Variants in MX1 observed in about 807,000 individuals in gnomAD.
The protein encoded by MX1 is MX dynamin like GTPase 1.
Under a neutral mutation model 66.4 loss-of-function variants are expected in MX1, and 66 were observed. The ratio of observed to expected loss-of-function variants is 0.99; its 90% confidence interval spans 0.82 to 1.22. MX1 has a LOEUF of 1.22. Among genes scored for constraint, MX1 ranks in the 50% most tolerant of loss-of-function variants. The pLI, the probability that MX1 is intolerant of heterozygous loss-of-function variation, is 0.00. For synonymous variants in MX1, 311 were observed against 318.1 expected (o/e 0.98, Z 0.24); for missense variants, 787 against 834.3 (o/e 0.94, Z 0.70).
Position 41,441,386 on chromosome 21 carries a change from G to A in MX1, c.731-330G>A. On this transcript the variant is annotated intron_variant, in intron 9 of 16. Coordinates refer to ENST00000398598, the MANE Select transcript of MX1 (RefSeq NM_002462.5). The surrounding 1 kb of genome is among the most constrained non-coding windows in gnomAD (Gnocchi z 4.0). ...CTCGGAAGCAGGTCAAACTCAGGAG[G>A]CACATGGTACTCATTAAGAATGCAT... The A allele has an allele frequency of 2.3e-6, 1 of 444,304 alleles. No individual in the cohort carries two copies. Among genetic ancestry groups the A allele is most frequent in the South Asian group, 2.6e-5 (1 of 37,912 alleles). The allele number at this position is 444,304 out of a possible 1,614,324, so 27.5% of individuals were successfully genotyped here.
At position 41,441,244 on chromosome 21, in the gene MX1, C is replaced by A. The variant is rs1346931466; in HGVS notation, c.730+219C>A. On this transcript the variant is annotated intron_variant, in intron 9 of 16. Coordinates refer to ENST00000398598, the MANE Select transcript of MX1 (RefSeq NM_002462.5). The surrounding 1 kb of genome is among the most constrained non-coding windows in gnomAD (Gnocchi z 4.0). ...CAGTGGGGACCTGCCTCCACTAAGACCTGCTAAGGGAGCAGGTTTGGTGCC... is the reference window on the plus strand; with the variant it reads ...CAGTGGGGACCTGCCTCCACTAAGAACTGCTAAGGGAGCAGGTTTGGTGCC... The A allele has an allele frequency of 1.6e-6, 1 of 618,950 alleles. No individual in the cohort carries two copies. Among genetic ancestry groups the A allele is most frequent in the South Asian group, 2.1e-5 (1 of 47,026 alleles). The allele number at this position is 618,950 out of a possible 1,614,324, so 38.3% of individuals were successfully genotyped here.
At position 41,441,940 on chromosome 21, in the gene MX1, G is replaced by C; in HGVS notation, c.929+26G>C. The C allele has an allele frequency of 1.9e-6, 3 of 1,613,438 alleles. No individual in the cohort carries two copies. Among genetic ancestry groups the C allele is most frequent in the African/African-American group, 1.3e-5 (1 of 74,948 alleles). Reference sequence around the variant, plus strand: ...GTGCGCTTGCCTGGGTTTCATCATGGATCAGTCCAAGCCCAGGATGTCAGG... The same window carrying C: ...GTGCGCTTGCCTGGGTTTCATCATGCATCAGTCCAAGCCCAGGATGTCAGG... On this transcript the variant is annotated intron_variant, in intron 10 of 16. Transcript: ENST00000398598. This position sits in a 1 kb window ranked among gnomAD's most constrained non-coding sequence, Gnocchi z 4.0.
Position 41,441,609 on chromosome 21 carries a change from A to G in MX1, c.731-107A>G. The G allele has an allele frequency of 8.4e-7, 1 of 1,196,056 alleles. No individual in the cohort carries two copies. The highest frequency in any genetic ancestry group is 2.3e-5 in the East Asian group (1 of 42,746). 74.1% of individuals were successfully genotyped at this position (1,196,056 alleles called of 1,614,324 possible). A position where few individuals can be genotyped will look rare whatever the true frequency, so the allele number is the denominator to read the frequency against. On this transcript the variant is annotated intron_variant, in intron 9 of 16. Coordinates refer to ENST00000398598, the MANE Select transcript of MX1 (RefSeq NM_002462.5). The surrounding 1 kb of genome is among the most constrained non-coding windows in gnomAD (Gnocchi z 4.0). ...CTGCAGGGGCTATGGCCTGTCCTCA[A>G]GCAAGGATGGGAGGAAACCCTGGGA...
chr21:41,454,699 C>T (rs1035316427), intron 16 of MX1, among the ~76,000 whole-genome samples: 2 of 152,166 alleles, frequency 1.3e-5, no homozygotes, highest in African/African-American at 4.8e-5. Flanking sequence ...AACACAGACA[C>T]AACTCAGGTA....
chr21:41,439,869 T>A, intron 8 of MX1, 21 bp downstream of exon 8: 1 of 1,598,830 alleles, frequency 6.3e-7, no homozygotes, highest in Non-Finnish European at 8.6e-7. Flanking sequence ...AGACCCATTC[T>A]GACCTTGGCC....
In MX1 at chr21:41,434,239, T is replaced by G. The variant is rs1318592206; in HGVS notation, c.106-1598T>G. On this transcript the variant is annotated intron_variant, in intron 5 of 16. Transcript: ENST00000398598. ...TTCCTGAACCTCAATCAGCCCACTT[T>G]AGGAAAATTGCACCCAGCTGCTGGT... Among the ~76,000 whole-genome samples the G allele has an allele frequency of 6.6e-5, 10 of 152,324 alleles. No individual in the cohort carries two copies. The East Asian group carries it at 1.9e-3, about 29-fold the overall frequency.
intron 16 of MX1, 48 bp from the exon 17 acceptor site, chr21:41,458,480 C>G (rs563494761): frequency 6.2e-7 from 1 of 1,608,858 alleles, no homozygotes; most frequent in South Asian, 1.1e-5. Context: ...AGAGTCCCCT[C>G]CTCACAGTGT....
rs1347122161 is a variant in MX1, at chr21:41,449,215, A to G, written c.1352A>G (p.Tyr451Cys). 7 of 1,614,002 alleles carry G rather than the reference A, an allele frequency of 4.3e-6. No individual in the cohort carries two copies. In the African/African-American group the frequency reaches 9.3e-5, roughly 22 times the overall value. Residue 451 changes from tyrosine (Y) to cysteine (C), a missense_variant, in exon 14 of 17, where the codon TAC (tyrosine) becomes TGC (cysteine). Transcript: ENST00000398598. ...AGAGAGCTGCCAGGCTTTGTGAATT[A>G]CAGGACATTTGAGACAATCGTGAAA... is the stretch of plus-strand genomic sequence containing the variant. ...RGRELPGFVN[Y>C]RTFETIVKQQ...
At chr21:41,445,905 G>A in intron 12 of MX1, 95 bp from the exon 13 acceptor site, 1 of 1,474,602 alleles carries the variant, frequency 6.8e-7, no homozygotes. Context: ...AGCAAAGAAT[G>A]ACTCCCCACC....
intron 1 of MX1, 41 bp downstream of exon 1, chr21:41,426,304 A>G (rs2090057976): frequency 6.6e-6 from 1 of 152,646 alleles, no homozygotes; most frequent in Non-Finnish European, 1.5e-5. Context: ...TAACCGCGCT[A>G]GGAGCGCGGA....
In MX1 at chr21:41,454,649, C is replaced by A. The variant is rs150631943; in HGVS notation, c.1758+1780C>A. On this transcript the variant is annotated intron_variant, in intron 16 of 16. Coordinates refer to ENST00000398598, the MANE Select transcript of MX1 (RefSeq NM_002462.5). Reference sequence around the variant, plus strand: ...GTTGATACTGCACGATTCAGTTAACCTGAAGTACAATCTAATTCATCCTAG... The same window carrying A: ...GTTGATACTGCACGATTCAGTTAACATGAAGTACAATCTAATTCATCCTAG... Among the ~76,000 whole-genome samples, 4 of 152,316 alleles carry A rather than the reference C, an allele frequency of 2.6e-5. No homozygotes were observed. In the East Asian group the frequency reaches 7.7e-4, roughly 29 times the overall value.
chr21:41,445,948 A>G (rs1327350304), intron 12 of MX1, 52 bp from the exon 13 acceptor site: 2 of 1,598,086 alleles, frequency 1.3e-6, no homozygotes, highest in East Asian at 4.5e-5. Flanking sequence ...AATGACCTTG[A>G]CACTTGGATT....
At chr21:41,443,545 TACA>T in intron 10 of MX1, 1 of 537,590 alleles carries the variant, frequency 1.9e-6, no homozygotes, top group Non-Finnish European at 3.4e-6. Flanking sequence ...GACACCATGA[TACA>T]CATTTATTAT....
Position 41,445,538 on chromosome 21 carries a change from G to A in MX1, c.1099G>A (p.Asp367Asn), listed in dbSNP as rs2090636952. 6.2e-7 allele frequency: 1 copy of A among 1,614,182 alleles called. No individual in the cohort carries two copies. The highest frequency in any genetic ancestry group is 1.3e-5 in the African/African-American group (1 of 75,048). Residue 367 changes from aspartate to asparagine, a missense_variant, in exon 12 of 17, where the codon GAC (aspartate) becomes AAC (asparagine). By Grantham distance (23) the Asp-to-Asn change is conservative (BLOSUM62 1). Coordinates refer to ENST00000398598, the MANE Select transcript of MX1 (RefSeq NM_002462.5). The part of the protein sequence containing the change: ...LQKYGVDIPE[D>N]ENEKMFFLID... ...AAAGTATGGTGTCGACATACCGGAA[G>A]ACGAAAATGAAAAAATGTTCTTCCT... is the stretch of plus-strand genomic sequence containing the variant.
intron 7 of MX1, 142 bp downstream of exon 7, chr21:41,437,294 T>A: frequency 2.4e-6 from 2 of 843,808 alleles, no homozygotes; most frequent in East Asian, 2.4e-5. Context: ...TCCTTCTACT[T>A]CTTTTACCTC....
At position 41,458,754 on chromosome 21, in the gene MX1, G is replaced by A. The variant is rs2091017032; in HGVS notation, c.1985G>A (p.Gly662Asp). Residue 662 changes from glycine to aspartate, a missense_variant, in exon 17 of 17, where the codon GGT (glycine) becomes GAT (aspartate). Gly to Asp is a moderately conservative substitution (Grantham distance 94). Transcript: ENST00000398598. ...CGGCGCCGGCTTGCCCAGTTCCCCGGTTAACCACACTCTGTCCAGCCCCGT... is the reference window on the plus strand; with the variant it reads ...CGGCGCCGGCTTGCCCAGTTCCCCGATTAACCACACTCTGTCCAGCCCCGT... ...QARRRLAQFP[G>D] The A allele has an allele frequency of 6.2e-7, 1 of 1,611,234 alleles. No homozygotes were observed. The highest frequency in any genetic ancestry group is 1.3e-5 in the African/African-American group (1 of 74,942).
At chr21:41,433,165 C>G (rs938058739) in intron 5 of MX1, among the ~76,000 whole-genome samples, 2 of 152,224 alleles carry the variant, frequency 1.3e-5, no homozygotes, top group African/African-American at 4.8e-5. Context: ...GGCCCCCAGC[C>G]CAGCCCATTA....
At position 41,441,852 on chromosome 21, in the gene MX1, G is replaced by C; in HGVS notation, c.867G>C (p.Gln289His). The change falls in exon 10 of 17, where the codon CAG becomes CAC. Residue 289 changes from glutamine (Q) to histidine (H), a missense_variant. Physicochemically the swap from Gln to His is conservative, Grantham distance 24. Coordinates refer to ENST00000398598, the MANE Select transcript of MX1 (RefSeq NM_002462.5). The surrounding 1 kb of genome is among the most constrained non-coding windows in gnomAD (Gnocchi z 4.0). The part of the protein sequence containing the change: ...KCRGQQEIQD[Q>H]LSLSEALQRE... ...GGGGCCAGCAGGAGATCCAGGACCA[G>C]CTGAGCCTGTCCGAAGCCCTGCAGA... 6.2e-7 allele frequency: 1 copy of C among 1,614,212 alleles called. No individual in the cohort carries two copies. Among genetic ancestry groups the C allele is most frequent in the South Asian group, 1.1e-5 (1 of 91,084 alleles).
At position 41,458,842 on chromosome 21, in the gene MX1, C is replaced by T; in HGVS notation, c.*84C>T. ...AGCCACTGGACTGACGACTTGAGTG[C>T]TCAGTAGTCAGACTGGATAGTCCGT... On this transcript the variant is annotated 3_prime_UTR_variant, in exon 17 of 17. Coordinates refer to ENST00000398598, the MANE Select transcript of MX1 (RefSeq NM_002462.5). 6.6e-7 allele frequency: 1 copy of T among 1,521,428 alleles called. No homozygotes were observed. 94.2% of individuals were successfully genotyped at this position (1,521,428 alleles called of 1,614,324 possible). A position where few individuals can be genotyped will look rare whatever the true frequency, so the allele number is the denominator to read the frequency against.
Sources: gnomAD v4.1 joint callset for allele counts (sites outside exome capture counted in the v4.1 genomes callset) on GRCh38, gnomAD v4.1.1 for gene constraint, Gnocchi (gnomAD v3.1) non-coding constraint, MANE v1.5 for transcripts, NCBI Gene and HGNC (gene_info 2026-07-23, HGNC 2026-07-21) for gene names.